Variants in GLYATL2 observed in about 807,000 individuals in gnomAD.
GLYATL2 encodes the protein glycine-N-acyltransferase like 2.
In GLYATL2, 25 loss-of-function variants were observed where a neutral mutation model predicts 21.4. That is an observed-to-expected ratio of 1.17 (90% CI 0.85 to 1.63). The LOEUF (loss-of-function observed/expected upper bound fraction) is 1.63, where lower values mean the gene tolerates loss of function less well. GLYATL2 is among the 40% of genes most tolerant of loss of function. GLYATL2 has a pLI of 0.00. For synonymous variants in GLYATL2, 114 were observed against 118.2 expected (o/e 0.96, Z 0.23); for missense variants, 361 against 343.3 (o/e 1.05, Z -0.41).
chr11:58,903,353 C>G (rs970494076), intron 1 of GLYATL2, among the ~76,000 whole-genome samples: 17 of 152,092 alleles, frequency 1.1e-4, no homozygotes, highest in African/African-American at 3.6e-4. Context: ...ACTTTCTTCT[C>G]CCTTTTAATT....
chr11:58,881,624 CAT>C lies in GLYATL2; in HGVS notation n.60+22530_60+22531del, dbSNP rs1854336478. ...TTATTATACTTTAAGTTGTAGGGAA[CAT>C]GTGCACAATGTGCAGGTTTGTTACA... is the stretch of plus-strand genomic sequence containing the variant. On this transcript the variant is annotated intron_variant and non_coding_transcript_variant, in intron 1 of 4. Transcript: ENST00000533636. Among the ~76,000 whole-genome samples the C allele has an allele frequency of 2.6e-5, 4 of 152,034 alleles. No individual in the cohort carries two copies. The South Asian group carries it at 8.3e-4, about 32-fold the overall frequency.
chr11:58,898,555 C>A (rs1854673719), intron 1 of GLYATL2, among the ~76,000 whole-genome samples: 1 of 151,652 alleles, frequency 6.6e-6, no homozygotes, highest in African/African-American at 2.4e-5. Flanking sequence ...TTTCTCTAGG[C>A]CGGGTGCAGT....
At chr11:58,850,386 A>G (rs1055135562) in intron 1 of GLYATL2, among the ~76,000 whole-genome samples, 27 of 152,308 alleles carry the variant, frequency 1.8e-4, no homozygotes, top group Non-Finnish European at 8.8e-5. Context: ...TGTGATAAAT[A>G]TATAAAATAA....
chr11:58,847,140 T>G (rs575105536), upstream of GLYATL2, among the ~76,000 whole-genome samples: 1 of 151,874 alleles, frequency 6.6e-6, no homozygotes, highest in East Asian at 1.9e-4. Context: ...CTCACAGCAT[T>G]CATCACCTGG....
chr11:58,878,262 TGC>T, intron 1 of GLYATL2: 1 of 402,350 alleles, frequency 2.5e-6, no homozygotes, highest in Non-Finnish European at 4.6e-6. Context: ...TATCAGACTG[TGC>T]CAGAAGCAGG....
Position 58,866,017 on chromosome 11 carries a change from T to A in GLYATL2, n.61-27649A>T, listed in dbSNP as rs908480352. Among the ~76,000 whole-genome samples the A allele has an allele frequency of 1.3e-5, 2 of 148,918 alleles. 1 individual carries two copies. Among genetic ancestry groups the A allele is most frequent in the East Asian group, 4.5e-4 (2 of 4,416 alleles). Reference sequence around the variant, plus strand: ...TCGGATGCCCCCAGCCAAGAAAGCATGTCCTGTGGATCCCACACTTTCCCA... The same window carrying A: ...TCGGATGCCCCCAGCCAAGAAAGCAAGTCCTGTGGATCCCACACTTTCCCA... On this transcript the variant is annotated intron_variant and non_coding_transcript_variant, in intron 1 of 4. Transcript: ENST00000533636.
chr11:58,842,494 G>T (rs907635669), intron 1 of GLYATL2, among the ~76,000 whole-genome samples: 1 of 151,404 alleles, frequency 6.6e-6, no homozygotes, highest in East Asian at 1.9e-4. Flanking sequence ...GTGTGTGTGT[G>T]TGTGTGTGTG....
chr11:58,906,691 G>A (rs1854896051), upstream of GLYATL2, among the ~76,000 whole-genome samples: 1 of 152,162 alleles, frequency 6.6e-6, no homozygotes, highest in Non-Finnish European at 1.5e-5. Flanking sequence ...TGTTAGGGTA[G>A]CGCTGCTGAG....
chr11:58,902,830 C>T (rs1185970963), intron 1 of GLYATL2, among the ~76,000 whole-genome samples: 1 of 152,236 alleles, frequency 6.6e-6, no homozygotes, highest in Non-Finnish European at 1.5e-5. Context: ...TGCTGGACAA[C>T]TTCCACAGCC....
Position 58,897,698 on chromosome 11 carries a change from G to C in GLYATL2, n.60+6458C>G, listed in dbSNP as rs139354755. On this transcript the variant is annotated intron_variant and non_coding_transcript_variant, in intron 1 of 4. Transcript: ENST00000533636. ...GTTATAGGGCCTTGGTAATCCCTTTGTAAGCATATTCCCTGACTTCATAAA... is the reference window on the plus strand; with the variant it reads ...GTTATAGGGCCTTGGTAATCCCTTTCTAAGCATATTCCCTGACTTCATAAA... Among the ~76,000 whole-genome samples the C allele has an allele frequency of 3.9e-5, 6 of 152,198 alleles. No homozygotes were observed. The East Asian group carries it at 1.2e-3, about 29-fold the overall frequency.
intron 1 of GLYATL2, among the ~76,000 whole-genome samples, chr11:58,899,895 G>A (rs1392741594): frequency 3.9e-5 from 6 of 152,116 alleles, no homozygotes. Flanking sequence ...TTAAAGCTCA[G>A]AGATTACTCT....
At chr11:58,909,709 C>T in the GLYATL2 span, among the ~76,000 whole-genome samples, 5 of 152,140 alleles carry the variant, frequency 3.3e-5, no homozygotes, top group African/African-American at 9.7e-5. Flanking sequence ...GCAAATAATG[C>T]TTTCTAGACT....
At position 58,883,503 on chromosome 11, in the gene GLYATL2, C is replaced by G. The variant is rs137948335; in HGVS notation, n.60+20653G>C. 2.3e-3 allele frequency among the ~76,000 whole-genome samples: 347 copies of G among 152,192 alleles called. 6 individuals carry two copies. The South Asian group carries it at 0.034, about 15-fold the overall frequency. ...AAATTCCTGGACACATACACCCTCCCAAGACTAAACCAAGAAGAAGTTGAA... is the reference window on the plus strand; with the variant it reads ...AAATTCCTGGACACATACACCCTCCGAAGACTAAACCAAGAAGAAGTTGAA... On this transcript the variant is annotated intron_variant and non_coding_transcript_variant, in intron 1 of 4. Transcript: ENST00000533636.
At chr11:58,893,266 C>T (rs374764186) in intron 1 of GLYATL2, 22 of 254,816 alleles carry the variant, frequency 8.6e-5, no homozygotes, top group Middle Eastern at 5.2e-4. Context: ...GAAAAAATAC[C>T]GAAGGAGAGG....
chr11:58,905,676 G>T (rs1258096481), upstream of GLYATL2: 1 of 454,404 alleles, frequency 2.2e-6, no homozygotes, highest in Admixed American at 2.4e-5. Flanking sequence ...GCGGGAACTG[G>T]CTGTGGACCG....
intron 1 of GLYATL2, among the ~76,000 whole-genome samples, chr11:58,898,053 T>C (rs1854664557): frequency 6.6e-6 from 1 of 152,232 alleles, no homozygotes; most frequent in Admixed American, 6.5e-5. Flanking sequence ...ATTAACTTAA[T>C]TATCCATAAT....
chr11:58,856,004 G>A (rs924783368), intron 1 of GLYATL2, among the ~76,000 whole-genome samples: 42 of 152,142 alleles, frequency 2.8e-4, no homozygotes, highest in Admixed American at 1.3e-4. Flanking sequence ...GTTAGTGGGT[G>A]CCTATAATCC....
intron 1 of GLYATL2, among the ~76,000 whole-genome samples, chr11:58,873,959 T>C (rs1053492621): frequency 1.3e-5 from 2 of 152,218 alleles, no homozygotes; most frequent in African/African-American, 4.8e-5. Context: ...TGCCTCAATT[T>C]CAGAGGGTGT....
upstream of GLYATL2, chr11:58,908,430 AC>A (rs1854961927): frequency 6.0e-6 from 1 of 167,898 alleles, no homozygotes; most frequent in African/African-American, 2.4e-5. Flanking sequence ...CATTTTTTCC[AC>A]TAGTAGAAGT....
Sources: allele counts gnomAD v4.1 joint callset (sites outside exome capture counted in the v4.1 genomes callset), GRCh38; gene constraint gnomAD v4.1.1; transcripts MANE v1.5; gene names NCBI Gene and HGNC (gene_info 2026-07-23, HGNC 2026-07-21).